PLCD3: variants seen among roughly 807,000 people sequenced by gnomAD.
The protein encoded by PLCD3 is phospholipase C delta 3.
PLCD3 carries 62 observed loss-of-function variants against 82.8 expected under a neutral mutation model. The observed-to-expected ratio is 0.75, with a 90% confidence interval of 0.61 to 0.93. PLCD3 has a LOEUF of 0.93. Among genes scored for constraint, PLCD3 ranks in the 40% least tolerant of loss-of-function variants. The pLI is 0.00. For missense variants in PLCD3, 1,023 were observed against 1,103.4 expected, an observed-to-expected ratio of 0.93 and a Z score of 1.03; for synonymous variants, 478 against 471.8, an observed-to-expected ratio of 1.01 and a Z score of -0.17.
chr17:45,120,988 C>A lies in PLCD3; in HGVS notation c.468G>T (p.Thr156=). The A allele has an allele frequency of 6.5e-7, 1 of 1,532,816 alleles. No individual in the cohort carries two copies. The highest frequency in any genetic ancestry group is 8.7e-7 in the Non-Finnish European group (1 of 1,146,696). 95.0% of individuals were successfully genotyped at this position (1,532,816 alleles called of 1,614,324 possible). The stretch of plus-strand genomic sequence containing the variant: ...GCACCCAGCGCTGCGCTTCCTCAGC[C>A]GTGGGCGCCGCCAGGTCCAGGTTCT... ...RRKNLDLAAP[T]AEEAQRWVRG... Residue 156 remains threonine, a synonymous_variant, in exon 3 of 15, where the codon ACG becomes ACT. Transcript: ENST00000619929.
intron 1 of PLCD3, among the ~76,000 whole-genome samples, chr17:45,125,020 G>T (rs1259874526): frequency 6.6e-6 from 1 of 152,148 alleles, no homozygotes; most frequent in African/African-American, 2.4e-5. Context: ...GTGAAACCCT[G>T]TCTCTACAAA....
intron 1 of PLCD3, among the ~76,000 whole-genome samples, chr17:45,121,799 G>C (rs564532682): frequency 1.3e-5 from 2 of 152,258 alleles, no homozygotes; most frequent in East Asian, 3.9e-4. Context: ...AGACCAGCCT[G>C]GCCAACATGG....
chr17:45,127,517 G>C (rs1440482036), intron 1 of PLCD3, among the ~76,000 whole-genome samples: 1 of 152,184 alleles, frequency 6.6e-6, no homozygotes, highest in Non-Finnish European at 1.5e-5. Context: ...GAGCTGGAAG[G>C]GGCCCCAAAT....
At chr17:45,113,033 T>G in intron 13 of PLCD3, 21 bp from the exon 14 acceptor site, 1 of 1,601,498 alleles carries the variant, frequency 6.2e-7, no homozygotes, top group Non-Finnish European at 8.5e-7. Context: ...GGGATGGCAG[T>G]CAGAGCCCAG....
intron 8 of PLCD3, 54 bp downstream of exon 8, chr17:45,116,578 G>A: frequency 1.3e-6 from 2 of 1,500,712 alleles, no homozygotes; most frequent in Non-Finnish European, 1.8e-6. Flanking sequence ...AGTGCGGGGA[G>A]GCGGACTCCC....
chr17:45,125,915 T>C (rs2054377953), intron 1 of PLCD3, among the ~76,000 whole-genome samples: 1 of 152,174 alleles, frequency 6.6e-6, no homozygotes, highest in South Asian at 2.1e-4. Flanking sequence ...AGTTTCTGTT[T>C]GGATGATGAA....
At chr17:45,123,902 T>C (rs1439059438) in intron 1 of PLCD3, among the ~76,000 whole-genome samples, 2 of 150,992 alleles carry the variant, frequency 1.3e-5, no homozygotes, top group African/African-American at 4.9e-5. Flanking sequence ...CCCTCCTCTT[T>C]CCAGACAAAG....
At chr17:45,123,940 C>T (rs888619950) in intron 1 of PLCD3, among the ~76,000 whole-genome samples, 1 of 141,282 alleles carries the variant, frequency 7.1e-6, no homozygotes, top group Non-Finnish European at 1.5e-5. Context: ...ACGTGCCAGG[C>T]CGAGGGGCTC....
In PLCD3 at chr17:45,120,753, GT is replaced by G. The variant is rs2054329756; in HGVS notation, c.554+148del. The G allele has an allele frequency of 1.5e-5, 16 of 1,076,110 alleles. 1 individual carries two copies. The South Asian group carries it at 2.9e-4, about 19-fold the overall frequency. 66.7% of individuals were successfully genotyped at this position (1,076,110 alleles called of 1,614,324 possible). On this transcript the variant is annotated intron_variant, in intron 3 of 14. Coordinates refer to ENST00000619929, the MANE Select transcript of PLCD3 (RefSeq NM_133373.5). Reference sequence around the variant, plus strand: ...GCCAGGGCGCGTGTCCCCACCCTCAGTTTCGAAGACCAAGGGCTCCGACCCA... The same window carrying G: ...GCCAGGGCGCGTGTCCCCACCCTCAGTTCGAAGACCAAGGGCTCCGACCCA...
chr17:45,121,358 C>G lies in PLCD3; in HGVS notation c.178G>C (p.Glu60Gln), dbSNP rs570914914. The part of the protein sequence containing the change: ...ALKKMGLTED[E>Q]DVRAMLRGSR... ...CCCCGCAGCATGGCGCGCACGTCCT[C>G]GTCCTCCGTCAGGCCTGGCGGGGCG... The change falls in exon 2 of 15, where the codon GAG becomes CAG. Residue 60 changes from glutamate to glutamine, a missense_variant. Glu to Gln is a conservative substitution (Grantham distance 29). This residue lies in a region of PLCD3 where 448 missense variants were observed against 406.3 expected (regional missense o/e 1.10). Transcript: ENST00000619929. The G allele has an allele frequency of 3.6e-5, 55 of 1,529,392 alleles. No individual in the cohort carries two copies. The South Asian group carries it at 5.2e-4, about 14-fold the overall frequency. 94.7% of individuals were successfully genotyped at this position (1,529,392 alleles called of 1,614,324 possible). A position where few individuals can be genotyped will look rare whatever the true frequency, so the allele number is the denominator to read the frequency against.
chr17:45,128,159 C>A (rs900472171), intron 1 of PLCD3, among the ~76,000 whole-genome samples: 13 of 152,134 alleles, frequency 8.5e-5, no homozygotes, highest in Admixed American at 7.2e-4. Flanking sequence ...AGGGCTGGAG[C>A]CTGGCGGGGG....
chr17:45,118,587 A>C lies in PLCD3; in HGVS notation c.914-95T>G. The C allele has an allele frequency of 1.4e-6, 2 of 1,408,186 alleles. No individual in the cohort carries two copies. The highest frequency in any genetic ancestry group is 2.0e-6 in the Non-Finnish European group (2 of 1,017,472). 87.2% of individuals were successfully genotyped at this position (1,408,186 alleles called of 1,614,324 possible). ...AGGCCCACTCAGCTTAGGAATAATG[A>C]CTAGACAATCTACTGACTAGACTCC... On this transcript the variant is annotated intron_variant, in intron 5 of 14. Coordinates refer to ENST00000619929, the MANE Select transcript of PLCD3 (RefSeq NM_133373.5). This position sits in a 1 kb window ranked among gnomAD's most constrained non-coding sequence, Gnocchi z 4.1.
intron 4 of PLCD3, 191 bp from the exon 5 acceptor site, chr17:45,119,234 T>C: frequency 3.3e-6 from 2 of 606,194 alleles, no homozygotes; most frequent in South Asian, 2.0e-5. Context: ...GTTTGTTTTT[T>C]AGGTTTGTTT....
Position 45,120,911 on chromosome 17 carries a change from C to G in PLCD3, c.545G>C (p.Arg182Pro). Residue 182 changes from arginine to proline, a missense_variant, in exon 3 of 15, where the codon CGG becomes CCG. This residue lies in a region of PLCD3 where 448 missense variants were observed against 406.3 expected (regional missense o/e 1.10). Coordinates refer to ENST00000619929, the MANE Select transcript of PLCD3 (RefSeq NM_133373.5). Reference protein sequence around the residue: ...ARLDAMSQRERLDHWIHSYLH... With the variant: ...ARLDAMSQREPLDHWIHSYLH... ...AGCCCCGGCAGGATATTGGTCTAGC[C>G]GCTCGCGCTGGCTCATGGCGTCCAG... 1 of 1,439,142 alleles carries G rather than the reference C, an allele frequency of 6.9e-7. No homozygotes were observed. Among genetic ancestry groups the G allele is most frequent in the Non-Finnish European group, 9.1e-7 (1 of 1,102,614 alleles). 89.1% of individuals were successfully genotyped at this position (1,439,142 alleles called of 1,614,324 possible).
chr17:45,114,010 T>G (rs1452693634), intron 11 of PLCD3, among the ~76,000 whole-genome samples: 1 of 152,184 alleles, frequency 6.6e-6, no homozygotes, highest in Non-Finnish European at 1.5e-5. Context: ...GGGTTGTGTG[T>G]GTCCGGGGGA....
At chr17:45,115,532 G>T (rs748806221) in intron 8 of PLCD3, 42 bp from the exon 9 acceptor site, 1 of 1,529,116 alleles carries the variant, frequency 6.5e-7, no homozygotes, top group Non-Finnish European at 8.9e-7. Context: ...AGGCCTTCTC[G>T]CCCCTGTGGC....
In PLCD3 at chr17:45,118,210, G is replaced by A; in HGVS notation, c.1116-72C>T. 1 of 1,611,222 alleles carries A rather than the reference G, an allele frequency of 6.2e-7. No homozygotes were observed. The highest frequency in any genetic ancestry group is 8.5e-7 in the Non-Finnish European group (1 of 1,178,022). ...CACAGAGCAGGGCAGCAGGCAGGCT[G>A]GGCCAGGAAGGCCCCAGGAAGCCAG... On this transcript the variant is annotated intron_variant, in intron 6 of 14. Coordinates refer to ENST00000619929, the MANE Select transcript of PLCD3 (RefSeq NM_133373.5). This position sits in a 1 kb window ranked among gnomAD's most constrained non-coding sequence, Gnocchi z 4.1.
rs1413046342 is a variant in PLCD3, at chr17:45,109,418, TCTC to T, written c.*3195_*3197del. 2.0e-5 allele frequency: 3 copies of T among 152,304 alleles called. No homozygotes were observed. Among genetic ancestry groups the T allele is most frequent in the Admixed American group, 6.5e-5 (1 of 15,278 alleles). 9.4% of individuals were successfully genotyped at this position (152,304 alleles called of 1,614,324 possible). A position where few individuals can be genotyped will look rare whatever the true frequency, so the allele number is the denominator to read the frequency against. On this transcript the variant is annotated 3_prime_UTR_variant, in exon 15 of 15. Coordinates refer to ENST00000619929, the MANE Select transcript of PLCD3 (RefSeq NM_133373.5). ...TCCCACTGTGCCCAGGTGCCACATC[TCTC>T]CTCCTGCACCACTGGCCGGGTGGTT...
chr17:45,112,806 C>T (rs1005497869), intron 14 of PLCD3, 57 bp downstream of exon 14: 2 of 1,603,118 alleles, frequency 1.2e-6, no homozygotes, highest in African/African-American at 1.3e-5. Flanking sequence ...CAAAGGTGAA[C>T]AGGGTCTGCA....
Sources: allele counts gnomAD v4.1 joint callset (sites outside exome capture counted in the v4.1 genomes callset), GRCh38; gene constraint gnomAD v4.1.1; regional missense constraint gnomAD v4.1.1; non-coding constraint Gnocchi (gnomAD v3.1); transcripts MANE v1.5; gene names NCBI Gene and HGNC (gene_info 2026-07-23, HGNC 2026-07-21).